SGCZ: variants seen among roughly 807,000 people sequenced by gnomAD.
SGCZ encodes the protein zeta-sarcoglycan.
SGCZ carries 40 observed loss-of-function variants against 41.3 expected under a neutral mutation model. The ratio of observed to expected loss-of-function variants is 0.97; its 90% CI spans 0.75 to 1.26. SGCZ has a LOEUF of 1.26. Among genes scored for constraint, SGCZ ranks in the 50% most tolerant of loss-of-function variants. The pLI, the probability that SGCZ is intolerant of heterozygous loss-of-function variation, is 0.00. For missense variants in SGCZ, 552 were observed against 369.8 expected (o/e 1.49, Z -4.04); for synonymous variants, 206 against 137.5 (o/e 1.50, Z -3.49).
chr8:15,089,427 C>G (rs370661390), intron 1 of SGCZ, among the ~76,000 whole-genome samples: 7 of 152,092 alleles, frequency 4.6e-5, no homozygotes, highest in African/African-American at 7.2e-5. Flanking sequence ...CTCTAAAAAT[C>G]TGAAGGCTGC....
At chr8:14,157,287 ATAT>A (rs999879097) in intron 5 of SGCZ, among the ~76,000 whole-genome samples, 5 of 148,678 alleles carry the variant, frequency 3.4e-5, no homozygotes, top group African/African-American at 1.2e-4. Flanking sequence ...ATGTATATAC[ATAT>A]TATATTTAAT....
chr8:14,196,950 G>C (rs899678828), intron 4 of SGCZ, among the ~76,000 whole-genome samples: 1 of 151,980 alleles, frequency 6.6e-6, no homozygotes, highest in African/African-American at 2.4e-5. Flanking sequence ...TGACGGAAAG[G>C]CATATAGGAC....
chr8:15,237,775 C>T lies in SGCZ; in HGVS notation c.-152G>A. The T allele has an allele frequency of 7.7e-6, 5 of 652,882 alleles. No individual in the cohort carries two copies. The South Asian group carries it at 7.9e-5, about 10-fold the overall frequency. 40.4% of individuals were successfully genotyped at this position (652,882 alleles called of 1,614,324 possible). On this transcript the variant is annotated 5_prime_UTR_variant, in exon 1 of 8. Coordinates refer to ENST00000382080, the MANE Select transcript of SGCZ (RefSeq NM_139167.4). ...TTCTCCGTGGTCACGCCGCCTCCAC[C>T]GGGTTAAAAATAAGGAAAATAAATA...
intron 2 of SGCZ, among the ~76,000 whole-genome samples, chr8:14,331,573 T>C (rs1802325990): frequency 1.3e-5 from 2 of 152,126 alleles, no homozygotes; most frequent in Non-Finnish European, 1.5e-5. Flanking sequence ...GTGGTAACAA[T>C]TGACAGACCT....
intron 1 of SGCZ, among the ~76,000 whole-genome samples, chr8:14,648,708 C>T (rs188788211): frequency 6.6e-6 from 1 of 151,886 alleles, no homozygotes; most frequent in Non-Finnish European, 1.5e-5. Context: ...GTGCAAGAGA[C>T]TCATATTATA....
intron 1 of SGCZ, among the ~76,000 whole-genome samples, chr8:14,990,153 G>A (rs1233784301): frequency 6.6e-6 from 1 of 152,288 alleles, no homozygotes; most frequent in East Asian, 1.9e-4. Flanking sequence ...AGAAATTGAA[G>A]CAGTGGCAAT....
intron 1 of SGCZ, among the ~76,000 whole-genome samples, chr8:14,723,323 C>A (rs905101708): frequency 6.6e-6 from 1 of 152,192 alleles, no homozygotes; most frequent in Non-Finnish European, 1.5e-5. Context: ...TTGTTCCTGG[C>A]CCTGAAAAGC....
At chr8:14,451,554 A>C (rs938950316) in intron 2 of SGCZ, among the ~76,000 whole-genome samples, 8 of 152,208 alleles carry the variant, frequency 5.3e-5, no homozygotes, top group African/African-American at 1.9e-4. Context: ...TTGAGAATAC[A>C]AGCCACAAAC....
chr8:15,060,425 A>T (rs536647289), intron 1 of SGCZ, among the ~76,000 whole-genome samples: 16 of 150,290 alleles, frequency 1.1e-4, no homozygotes, highest in Non-Finnish European at 1.5e-5. Flanking sequence ...AAGGACAGAA[A>T]ACCAAACACC....
rs1554517469 is a variant in SGCZ at position 14,886,030 on chromosome 8, T to TATATAC, written c.40-331105_40-331104insGTATAT. Among the ~76,000 whole-genome samples, 262 of 98,918 alleles carry TATATAC rather than the reference T, an allele frequency of 2.6e-3. 9 individuals are homozygous for TATATAC. Among genetic ancestry groups the TATATAC allele is most frequent in the Admixed American group, 4.9e-3 (47 of 9,632 alleles). The allele number at this position is 98,918 out of a possible 152,430, so 64.9% of individuals were successfully genotyped here. On this transcript the variant is annotated intron_variant, in intron 1 of 7. Transcript: ENST00000382080. ...ATATATATATATATATATATATATA[T>TATATAC]ATATAAAATTGTATACTTAGCTTTT...
intron 1 of SGCZ, among the ~76,000 whole-genome samples, chr8:14,783,605 C>G (rs1800659205): frequency 6.6e-6 from 1 of 151,966 alleles, no homozygotes; most frequent in African/African-American, 2.4e-5. Flanking sequence ...TTCTGACAAC[C>G]AATTCCTGCT....
chr8:14,669,385 GTAAA>G (rs1398901993), intron 1 of SGCZ, among the ~76,000 whole-genome samples: 49 of 55,126 alleles, frequency 8.9e-4, no homozygotes, highest in Admixed American at 1.7e-3. Context: ...AAGTAAGTAA[GTAAA>G]TAAATAAATA....
rs1799561339 is a variant in SGCZ at position 14,920,617 on chromosome 8, G to C, written c.39+316968C>G. The stretch of plus-strand genomic sequence containing the variant: ...GGTAACAGATTAAGAAGATATCATA[G>C]AGGAGGCTATTAACATGCCTAAGCC... On this transcript the variant is annotated intron_variant, in intron 1 of 7. Transcript: ENST00000382080. Among the ~76,000 whole-genome samples the C allele has an allele frequency of 2.6e-5, 4 of 152,188 alleles. No homozygotes were observed. The South Asian group carries it at 8.3e-4, about 31-fold the overall frequency.
chr8:14,398,336 G>C (rs1798976139), intron 2 of SGCZ, among the ~76,000 whole-genome samples: 1 of 152,118 alleles, frequency 6.6e-6, no homozygotes, highest in Admixed American at 6.6e-5. Flanking sequence ...TATACACCTT[G>C]AAGGTGTCCT....
At chr8:15,017,337 G>T (rs1019261765) in intron 1 of SGCZ, among the ~76,000 whole-genome samples, 1 of 152,132 alleles carries the variant, frequency 6.6e-6, no homozygotes, top group African/African-American at 2.4e-5. Flanking sequence ...TATTGCAACT[G>T]CTATGCTCCC....
chr8:14,702,933 A>T (rs201064189), intron 1 of SGCZ, among the ~76,000 whole-genome samples: 1 of 92,570 alleles, frequency 1.1e-5, no homozygotes, highest in African/African-American at 3.9e-5. Context: ...AGGTAGATAG[A>T]TAGATAGATA....
At chr8:14,454,112 C>T (rs937115108) in intron 2 of SGCZ, among the ~76,000 whole-genome samples, 2 of 152,090 alleles carry the variant, frequency 1.3e-5, no homozygotes, top group Admixed American at 1.3e-4. Flanking sequence ...ATGGCCATTT[C>T]CTTAAACTCT....
chr8:15,165,399 T>C (rs1458507802), intron 1 of SGCZ, among the ~76,000 whole-genome samples: 1 of 152,138 alleles, frequency 6.6e-6, no homozygotes, highest in African/African-American at 2.4e-5. Flanking sequence ...CCCTAAAGAC[T>C]ATTGGTAACA....
chr8:14,348,904 T>C (rs1802988312), intron 2 of SGCZ, among the ~76,000 whole-genome samples: 1 of 152,158 alleles, frequency 6.6e-6, no homozygotes, highest in Non-Finnish European at 1.5e-5. Context: ...ACTTTTAGGA[T>C]CTCTACGCAG....
Sources: gnomAD v4.1 joint callset for allele counts (sites outside exome capture counted in the v4.1 genomes callset) on GRCh38, gnomAD v4.1.1 for gene constraint, MANE v1.5 for transcripts, NCBI Gene and HGNC (gene_info 2026-07-23, HGNC 2026-07-21) for gene names.